Variants in TMEM117 observed in about 807,000 individuals in gnomAD.
TMEM117 encodes transmembrane protein 117.
A neutral mutation model predicts 52.4 loss-of-function variants in TMEM117; 27 were observed. That is an observed-to-expected ratio of 0.51 (90% CI 0.38 to 0.71). The LOEUF (loss-of-function observed/expected upper bound fraction) is 0.71. Among genes scored for constraint, TMEM117 ranks in the 30% least tolerant of loss-of-function variants. TMEM117 has a pLI of 0.00. For synonymous variants in TMEM117, 215 were observed against 206.3 expected (o/e 1.04, Z -0.36); for missense variants, 556 against 630.5 (o/e 0.88, Z 1.26).
At chr12:44,012,200 C>T (rs1261964421) in intron 3 of TMEM117, among the ~76,000 whole-genome samples, 3 of 151,880 alleles carry the variant, frequency 2.0e-5, no homozygotes, top group Non-Finnish European at 4.4e-5. Context: ...TTTTTTCCCT[C>T]TGGTTTTCTT....
At chr12:43,926,770 GCTAT>G (rs58496078) in intron 2 of TMEM117, among the ~76,000 whole-genome samples, 144,079 of 151,866 alleles carry the variant, frequency 0.95, 68,673 homozygotes, top group East Asian at 1. Context: ...TTTTATCTCT[GCTAT>G]CTATGTTTGT....
At chr12:44,387,996 G>T in intron 7 of TMEM117, 30 bp from the exon 8 acceptor site, 1 of 1,571,290 alleles carries the variant, frequency 6.4e-7, no homozygotes, top group South Asian at 1.2e-5. Flanking sequence ...ATGGCCCTTT[G>T]ATTAATGCAG....
intron 5 of TMEM117, among the ~76,000 whole-genome samples, chr12:44,242,353 T>G (rs1950073354): frequency 1.3e-5 from 2 of 151,936 alleles, no homozygotes; most frequent in South Asian, 4.2e-4. Flanking sequence ...TGAGTTCTTA[T>G]CATTTAGCTC....
At chr12:43,894,524 A>C (rs1284389764) in intron 2 of TMEM117, among the ~76,000 whole-genome samples, 7 of 151,774 alleles carry the variant, frequency 4.6e-5, no homozygotes. Context: ...GGAACGTACT[A>C]GTTATAGTTC....
At chr12:44,182,119 G>T (rs995756174) in intron 4 of TMEM117, among the ~76,000 whole-genome samples, 1 of 152,240 alleles carries the variant, frequency 6.6e-6, no homozygotes, top group African/African-American at 2.4e-5. Flanking sequence ...GGAAGCAATT[G>T]TGAATGGGAG....
rs113663292 is a variant in TMEM117 at position 44,144,985 on chromosome 12, A to G, written c.510+1361A>G. 4.0e-3 allele frequency among the ~76,000 whole-genome samples: 615 copies of G among 152,072 alleles called. 7 individuals carry two copies. Among genetic ancestry groups the G allele is most frequent in the African/African-American group, 0.014 (581 of 41,470 alleles). On this transcript the variant is annotated intron_variant, in intron 4 of 7. Coordinates refer to ENST00000266534, the MANE Select transcript of TMEM117 (RefSeq NM_032256.3). The stretch of plus-strand genomic sequence containing the variant: ...ATCCTGGCTAACACGGTGAAACCCC[A>G]TCTCTACTAAAAATACAAAAAATTA...
At chr12:44,398,636 T>G in the TMEM117 span, among the ~76,000 whole-genome samples, 1 of 152,110 alleles carries the variant, frequency 6.6e-6, no homozygotes, top group African/African-American at 2.4e-5. Context: ...AGCTGGCTCC[T>G]GAGAACAGGC....
intron 4 of TMEM117, among the ~76,000 whole-genome samples, chr12:44,172,065 A>T (rs2138286384): frequency 6.6e-6 from 1 of 152,346 alleles, no homozygotes; most frequent in East Asian, 1.9e-4. Flanking sequence ...CAGTGGCCAC[A>T]TCAGGTAAAA....
intron 3 of TMEM117, among the ~76,000 whole-genome samples, chr12:44,051,881 A>G (rs148888208): frequency 7.2e-4 from 109 of 152,354 alleles, no homozygotes; most frequent in African/African-American, 2.3e-3. Flanking sequence ...ATTTGTCAAT[A>G]CGATTTTAAA....
At chr12:43,831,521 A>G (rs1002382722), upstream of TMEM117, among the ~76,000 whole-genome samples, 1 of 150,866 alleles carries the variant, frequency 6.6e-6, no homozygotes, top group Non-Finnish European at 1.5e-5. Context: ...ACGGAAAAAC[A>G]TCATGTCTCA....
chr12:43,886,035 G>A (rs1026889701), intron 2 of TMEM117, among the ~76,000 whole-genome samples: 3 of 152,158 alleles, frequency 2.0e-5, no homozygotes, highest in African/African-American at 7.2e-5. Context: ...TGACATGGGG[G>A]AACCTTGTGT....
chr12:44,202,972 T>G (rs1198148102), intron 4 of TMEM117, among the ~76,000 whole-genome samples: 1 of 152,014 alleles, frequency 6.6e-6, no homozygotes, highest in East Asian at 1.9e-4. Flanking sequence ...TTTTCATATT[T>G]TTAGTAGAGA....
At chr12:43,945,954 A>G (rs1157399460) in intron 3 of TMEM117, among the ~76,000 whole-genome samples, 2 of 152,220 alleles carry the variant, frequency 1.3e-5, no homozygotes, top group Admixed American at 6.5e-5. Flanking sequence ...GATGAATAGC[A>G]AAGGGAAAAA....
chr12:44,110,019 G>C (rs2138103400), intron 3 of TMEM117, among the ~76,000 whole-genome samples: 1 of 88,150 alleles, frequency 1.1e-5, no homozygotes, highest in Non-Finnish European at 2.1e-5. Context: ...GTCTGTTGTT[G>C]GTGTATAAGA....
chr12:44,177,265 T>C (rs1949128495), intron 4 of TMEM117, among the ~76,000 whole-genome samples: 1 of 152,142 alleles, frequency 6.6e-6, no homozygotes, highest in Non-Finnish European at 1.5e-5. Context: ...AAAAATTGTA[T>C]GTGCTGGGCA....
chr12:44,225,794 G>A (rs1949852904), intron 5 of TMEM117, among the ~76,000 whole-genome samples: 1 of 152,146 alleles, frequency 6.6e-6, no homozygotes, highest in Non-Finnish European at 1.5e-5. Context: ...CACTATGGAA[G>A]TATTATTTAA....
intron 3 of TMEM117, among the ~76,000 whole-genome samples, chr12:44,012,090 A>G (rs575033074): frequency 1.2e-4 from 18 of 152,202 alleles, no homozygotes; most frequent in Non-Finnish European, 2.1e-4. Flanking sequence ...AACCATGGAT[A>G]AGGGGGACAC....
At chr12:43,807,566 A>C in the TMEM117 span, among the ~76,000 whole-genome samples, 1 of 152,244 alleles carries the variant, frequency 6.6e-6, no homozygotes, top group Admixed American at 6.5e-5. Flanking sequence ...AAAATTGCAG[A>C]GTTGACTTGC....
chr12:44,361,045 G>A (rs1165663603), intron 6 of TMEM117, among the ~76,000 whole-genome samples: 1 of 151,854 alleles, frequency 6.6e-6, no homozygotes, highest in Non-Finnish European at 1.5e-5. Flanking sequence ...TAACAAGCAG[G>A]GTCTGTCTTG....
Sources: allele counts gnomAD v4.1 joint callset (sites outside exome capture counted in the v4.1 genomes callset), GRCh38; gene constraint gnomAD v4.1.1; transcripts MANE v1.5; gene names NCBI Gene and HGNC (gene_info 2026-07-23, HGNC 2026-07-21).